Variants in LRRC20 observed in about 807,000 individuals in gnomAD.
LRRC20 encodes leucine rich repeat containing 20, also known as leucine-rich repeat-containing protein 20.
LRRC20 carries 11 observed loss-of-function variants against 14.4 expected under a neutral mutation model. The observed-to-expected ratio is 0.77, with a 90% confidence interval of 0.48 to 1.27. The LOEUF (loss-of-function observed/expected upper bound fraction) is 1.27, where lower values mean the gene tolerates loss of function less well. Ranked by LOEUF, LRRC20 falls within the 50% of genes most tolerant of loss-of-function variation. The pLI is 0.00. For missense variants in LRRC20, 219 were observed against 251.2 expected, an observed-to-expected ratio of 0.87 and a Z score of 0.87; for synonymous variants, 121 against 107.3, an observed-to-expected ratio of 1.13 and a Z score of -0.79.
chr10:70,341,566 G>C (rs567481796), intron 2 of LRRC20, among the ~76,000 whole-genome samples: 9 of 152,134 alleles, frequency 5.9e-5, no homozygotes, highest in Non-Finnish European at 1.3e-4. Context: ...CCAGGAGTTC[G>C]AGACCAGCCT....
chr10:70,340,564 C>T lies in LRRC20; in HGVS notation c.221G>A (p.Ser74Asn). ...SLTSKFMTTFSQLRELHLEGN... is the reference protein window; with the variant it reads ...SLTSKFMTTFNQLRELHLEGN... ...TGACCAGGGCCTACCTCGGAGCTGA[C>T]TGAATGTGGTCATGAACTTGCTGGT... Residue 74 changes from serine to asparagine, a missense_variant, in exon 3 of 5, where the codon AGT (serine) becomes AAT (asparagine). Transcript: ENST00000446961. The T allele has an allele frequency of 6.2e-7, 1 of 1,614,174 alleles. No homozygotes were observed. Among genetic ancestry groups the T allele is most frequent in the Middle Eastern group, 1.7e-4 (1 of 6,048 alleles).
intron 4 of LRRC20, among the ~76,000 whole-genome samples, chr10:70,322,704 G>A (rs1842133377): frequency 6.6e-6 from 1 of 152,138 alleles, no homozygotes; most frequent in African/African-American, 2.4e-5. Flanking sequence ...CTGGGCACAG[G>A]GCTGTTGTGG....
At chr10:70,304,524 A>T (rs1841345560) in intron 4 of LRRC20, among the ~76,000 whole-genome samples, 1 of 138,734 alleles carries the variant, frequency 7.2e-6, no homozygotes, top group Non-Finnish European at 1.6e-5. Flanking sequence ...AAGCACCAAT[A>T]ACAATCTTTT....
intron 2 of LRRC20, among the ~76,000 whole-genome samples, chr10:70,368,000 T>TATGTTATGTTATGTTATGTTA (rs1400168428): frequency 4.7e-4 from 2 of 4,226 alleles, no homozygotes; most frequent in Admixed American, 4.6e-3. Flanking sequence ...ATGTTATTTT[T>TATGTTATGTTATGTTATGTTA]TGAGATGGAG....
At chr10:70,311,800 G>A (rs1316161190) in intron 4 of LRRC20, among the ~76,000 whole-genome samples, 1 of 152,128 alleles carries the variant, frequency 6.6e-6, no homozygotes, top group East Asian at 1.9e-4. Context: ...GCACTGGCTG[G>A]CCCTCCTCCC....
chr10:70,333,234 T>A (rs10999273), intron 3 of LRRC20, among the ~76,000 whole-genome samples: 11,544 of 152,166 alleles, frequency 0.076, 695 homozygotes, highest in East Asian at 0.3. Flanking sequence ...GGTCCTGGTG[T>A]TCCAGGTGTA....
chr10:70,304,473 TATATA>T (rs1841333602), intron 4 of LRRC20, among the ~76,000 whole-genome samples: 168 of 11,174 alleles, frequency 0.015, 1 homozygote, highest in African/African-American at 0.075. Context: ...CACTTCTTTA[TATATA>T]TATATATATA....
chr10:70,316,918 T>C (rs1444586018), intron 4 of LRRC20, among the ~76,000 whole-genome samples: 1 of 152,218 alleles, frequency 6.6e-6, no homozygotes, highest in Non-Finnish European at 1.5e-5. Flanking sequence ...CTGCTGGGCA[T>C]GCAGGCAAGA....
chr10:70,315,299 A>G (rs146662545), intron 4 of LRRC20, among the ~76,000 whole-genome samples: 41 of 152,296 alleles, frequency 2.7e-4, no homozygotes, highest in African/African-American at 9.9e-4. Context: ...AAAAACAGCA[A>G]CTGGTGAATG....
intron 2 of LRRC20, among the ~76,000 whole-genome samples, chr10:70,353,848 T>C (rs557949558): frequency 1.6e-4 from 24 of 152,144 alleles, no homozygotes; most frequent in African/African-American, 4.6e-4. Flanking sequence ...TGGGAGGTGG[T>C]GGGTTTCCAA....
chr10:70,307,945 C>A (rs1841486534), intron 4 of LRRC20, among the ~76,000 whole-genome samples: 1 of 152,230 alleles, frequency 6.6e-6, no homozygotes, highest in Admixed American at 6.5e-5. Flanking sequence ...TGGTCTGGGG[C>A]CTGCATCCGC....
At chr10:70,346,600 G>A (rs1000947887) in intron 2 of LRRC20, among the ~76,000 whole-genome samples, 2 of 152,200 alleles carry the variant, frequency 1.3e-5, no homozygotes, top group Admixed American at 6.5e-5. Flanking sequence ...GTTACAGAGC[G>A]TAGGGTTTTT....
chr10:70,322,012 C>T (rs1354898483), intron 4 of LRRC20, among the ~76,000 whole-genome samples: 1 of 152,236 alleles, frequency 6.6e-6, no homozygotes, highest in East Asian at 1.9e-4. Context: ...TATTGTCAGC[C>T]TTTCAGAAGG....
chr10:70,366,007 CTGCAGTGAG>C (rs1200258120), intron 2 of LRRC20, among the ~76,000 whole-genome samples: 1 of 149,520 alleles, frequency 6.7e-6, no homozygotes, highest in East Asian at 2.0e-4. Context: ...GAGGTAGAGC[CTGCAGTGAG>C]CCGAGATTGT....
In LRRC20 at chr10:70,376,605, G is replaced by A; in HGVS notation, c.-63-9C>T. ...CACAAAAGGGCCTGAGCCTGGGGAA[G>A]ACGCAGTGCCATGAAGTGCCCGCCT... is the stretch of plus-strand genomic sequence containing the variant. On this transcript the variant is annotated splice_polypyrimidine_tract_variant and intron_variant, in intron 1 of 4. Coordinates refer to ENST00000446961, the MANE Select transcript of LRRC20 (RefSeq NM_001278212.2). The A allele has an allele frequency of 6.8e-7, 1 of 1,469,844 alleles. No individual in the cohort carries two copies. The highest frequency in any genetic ancestry group is 1.1e-5 in the South Asian group (1 of 88,094). The allele number at this position is 1,469,844 out of a possible 1,614,324, so 91.1% of individuals were successfully genotyped here. A position where few individuals can be genotyped will look rare whatever the true frequency, so the allele number is the denominator to read the frequency against.
At position 70,300,551 on chromosome 10, in the gene LRRC20, G is replaced by A; in HGVS notation, c.*803C>T. ...CTAATCACTTTAGACAAGAGCTGCAGGTGTAACTGACTCTGCTGTTCTCTG... is the reference window on the plus strand; with the variant it reads ...CTAATCACTTTAGACAAGAGCTGCAAGTGTAACTGACTCTGCTGTTCTCTG... On this transcript the variant is annotated 3_prime_UTR_variant, in exon 5 of 5. Transcript: ENST00000446961. 1.0e-6 allele frequency: 1 copy of A among 985,548 alleles called. No homozygotes were observed. The highest frequency in any genetic ancestry group is 1.2e-6 in the Non-Finnish European group (1 of 830,018). The allele number at this position is 985,548 out of a possible 1,614,324, so 61.1% of individuals were successfully genotyped here.
At chr10:70,326,187 T>G (rs535262076) in intron 3 of LRRC20, among the ~76,000 whole-genome samples, 300 of 152,110 alleles carry the variant, frequency 2.0e-3, no homozygotes, top group Non-Finnish European at 3.6e-3. Flanking sequence ...CAGTGCTCCA[T>G]GCCTGCTCTT....
At chr10:70,353,277 A>G (rs545980208) in intron 2 of LRRC20, among the ~76,000 whole-genome samples, 1 of 152,364 alleles carries the variant, frequency 6.6e-6, no homozygotes, top group Admixed American at 6.5e-5. Flanking sequence ...CATATGACTT[A>G]TTCAAGGTCA....
chr10:70,349,589 A>G (rs542917523), intron 2 of LRRC20, among the ~76,000 whole-genome samples: 300 of 152,326 alleles, frequency 2.0e-3, no homozygotes, highest in African/African-American at 6.9e-3. Context: ...ATAAACAAAT[A>G]AATAAATAAA....
Sources: gnomAD v4.1 joint callset for allele counts (sites outside exome capture counted in the v4.1 genomes callset) on GRCh38, gnomAD v4.1.1 for gene constraint, MANE v1.5 for transcripts, NCBI Gene and HGNC (gene_info 2026-07-23, HGNC 2026-07-21) for gene names.